Variants in DGKI observed in about 807,000 individuals in gnomAD.
DGKI encodes the protein DAG kinase iota.
DGKI carries 55 observed loss-of-function variants against 147.5 expected under a neutral mutation model. The ratio of observed to expected loss-of-function variants is 0.37; its 90% CI spans 0.30 to 0.47. The LOEUF is 0.47. Ranked by LOEUF, DGKI falls within the 20% of genes least tolerant of loss-of-function variation. The pLI is 1.00. For missense variants in DGKI, 1,007 were observed against 1,323.8 expected (o/e 0.76, Z 3.71); for synonymous variants, 469 against 477.1 (o/e 0.98, Z 0.22).
At chr7:137,786,484 G>T (rs1245272512) in intron 1 of DGKI, among the ~76,000 whole-genome samples, 2 of 151,994 alleles carry the variant, frequency 1.3e-5, no homozygotes, top group Non-Finnish European at 2.9e-5. Context: ...ACAGCAAATG[G>T]AAACACATCC....
intron 1 of DGKI, among the ~76,000 whole-genome samples, chr7:137,799,778 A>T (rs919860977): frequency 7.2e-5 from 11 of 152,182 alleles, no homozygotes; most frequent in Non-Finnish European, 1.6e-4. Flanking sequence ...TAATTACAAC[A>T]TCTCCCATAC....
intron 21 of DGKI, among the ~76,000 whole-genome samples, chr7:137,503,968 G>C (rs1013649789): frequency 3.9e-5 from 6 of 152,068 alleles, no homozygotes; most frequent in African/African-American, 1.4e-4. Flanking sequence ...AATGTGTTGT[G>C]CCAAAGTCTC....
At chr7:137,843,756 T>TACACACACACACACACACAC (rs71177923) in intron 1 of DGKI, among the ~76,000 whole-genome samples, 1 of 137,820 alleles carries the variant, frequency 7.3e-6, no homozygotes, top group Non-Finnish European at 1.5e-5. Flanking sequence ...GAGACCCCCC[T>TACACACACACACACACACAC]ACACACACAC....
chr7:137,740,592 A>G (rs978921431), intron 1 of DGKI, among the ~76,000 whole-genome samples: 3 of 152,242 alleles, frequency 2.0e-5, no homozygotes, highest in Admixed American at 1.3e-4. Flanking sequence ...TAGCCAGACC[A>G]GCCCAATACT....
intron 1 of DGKI, among the ~76,000 whole-genome samples, chr7:137,690,350 C>G (rs561700198): frequency 6.6e-6 from 1 of 152,308 alleles, no homozygotes; most frequent in South Asian, 2.1e-4. Flanking sequence ...CATACTTGAA[C>G]AACTTTAAGA....
chr7:137,452,489 C>G (rs1187720720), intron 27 of DGKI, among the ~76,000 whole-genome samples: 1 of 152,214 alleles, frequency 6.6e-6, no homozygotes, highest in African/African-American at 2.4e-5. Context: ...AAGTACACCA[C>G]TCCTTATTGT....
intron 9 of DGKI, 89 bp from the exon 10 acceptor site, chr7:137,609,153 T>C: frequency 1.0e-6 from 1 of 961,274 alleles, no homozygotes; most frequent in East Asian, 2.5e-5. Context: ...CACCCAATAA[T>C]ACATTTTGTT....
chr7:137,430,485 C>G (rs909106438), intron 28 of DGKI, among the ~76,000 whole-genome samples: 6 of 151,704 alleles, frequency 4.0e-5, no homozygotes, highest in African/African-American at 1.5e-4. Flanking sequence ...AGCACACCAG[C>G]ATGGCACATG....
rs1585074707 is a variant in DGKI, at chr7:137,397,527, G to C, written c.2921-114C>G. ...CTTGGAAAGCTAAATTTGGGGATAG[G>C]AATAATAAGACAGAAAGAAAAATAA... On this transcript the variant is annotated intron_variant, in intron 30 of 32. Coordinates refer to ENST00000614521, the MANE Select transcript of DGKI (RefSeq NM_001321708.2). The C allele has an allele frequency of 3.2e-6, 3 of 938,702 alleles. No individual in the cohort carries two copies. The African/African-American group carries it at 5.0e-5, about 16-fold the overall frequency. 58.1% of individuals were successfully genotyped at this position (938,702 alleles called of 1,614,324 possible).
At chr7:137,814,282 C>A (rs956300948) in intron 1 of DGKI, among the ~76,000 whole-genome samples, 1 of 152,164 alleles carries the variant, frequency 6.6e-6, no homozygotes, top group African/African-American at 2.4e-5. Flanking sequence ...GAATGGAACA[C>A]CGTCATGTGT....
chr7:137,825,219 A>G (rs1372619273), intron 1 of DGKI, among the ~76,000 whole-genome samples: 2 of 152,218 alleles, frequency 1.3e-5, no homozygotes, highest in African/African-American at 4.8e-5. Context: ...TATATTTAAC[A>G]ACGAAACCCA....
chr7:137,394,866 C>G (rs563749026), intron 32 of DGKI, among the ~76,000 whole-genome samples: 1 of 152,284 alleles, frequency 6.6e-6, no homozygotes, highest in East Asian at 1.9e-4. Context: ...AAATGAGAAC[C>G]ACCAACCTGC....
intron 1 of DGKI, among the ~76,000 whole-genome samples, chr7:137,712,988 T>C (rs1280331540): frequency 3.9e-5 from 6 of 152,096 alleles, no homozygotes; most frequent in African/African-American, 1.2e-4. Flanking sequence ...GTAACAAAGA[T>C]CTAGACAAAA....
At chr7:137,510,170 A>G (rs1293189229) in intron 21 of DGKI, among the ~76,000 whole-genome samples, 2 of 152,246 alleles carry the variant, frequency 1.3e-5, no homozygotes, top group Admixed American at 6.5e-5. Context: ...TCCAGACCAA[A>G]TAGTGCTATG....
intron 1 of DGKI, among the ~76,000 whole-genome samples, chr7:137,837,510 GA>G (rs1798419732): frequency 6.6e-6 from 1 of 152,182 alleles, no homozygotes; most frequent in African/African-American, 2.4e-5. Flanking sequence ...GTCACATGTT[GA>G]AATTATCACC....
rs1320666301 is a variant in DGKI at position 137,664,221 on chromosome 7, A to C, written c.607-7681T>G. On this transcript the variant is annotated intron_variant, in intron 3 of 32. Transcript: ENST00000614521. ...TCAAAAGCCTGTCTCTACTAAAAAT[A>C]CAAAAAATTAGCTGGGCATGGTGGC... Among the ~76,000 whole-genome samples the C allele has an allele frequency of 3.3e-5, 5 of 152,048 alleles. 1 individual carries two copies. The highest frequency in any genetic ancestry group is 2.6e-4 in the Admixed American group (4 of 15,264).
rs191788004 is a variant in DGKI at position 137,815,256 on chromosome 7, T to A, written c.401+31206A>T. ...TGTGCCACCCGAGAGGAGGGAGAAT[T>A]CAGAAACTCGTCTTCCATATGTGAA... is the stretch of plus-strand genomic sequence containing the variant. On this transcript the variant is annotated intron_variant, in intron 1 of 32. Transcript: ENST00000614521. Among the ~76,000 whole-genome samples the A allele has an allele frequency of 7.6e-3, 1,153 of 152,144 alleles. 12 individuals are homozygous for A. The highest frequency in any genetic ancestry group is 9.0e-3 in the Non-Finnish European group (610 of 67,982).
Position 137,722,337 on chromosome 7 carries a change from T to C in DGKI, c.402-32335A>G. The C allele has an allele frequency of 2.5e-6, 4 of 1,612,756 alleles. No individual in the cohort carries two copies. The South Asian group carries it at 4.4e-5, about 18-fold the overall frequency. On this transcript the variant is annotated intron_variant, in intron 1 of 32. Coordinates refer to ENST00000614521, the MANE Select transcript of DGKI (RefSeq NM_001321708.2). ...TTCGCAAAATGCCTAGATATTATCC[T>C]ACTGAAGATGTGCCTCGAAAGCTGT... is the stretch of plus-strand genomic sequence containing the variant.
chr7:137,620,053 A>ACACACC (rs774829700), intron 7 of DGKI, 113 bp from the exon 8 acceptor site: 1 of 725,922 alleles, frequency 1.4e-6, no homozygotes. Context: ...ACACACACAC[A>ACACACC]CTCATTACAT....
Sources: gnomAD v4.1 joint callset for allele counts (sites outside exome capture counted in the v4.1 genomes callset) on GRCh38, gnomAD v4.1.1 for gene constraint, MANE v1.5 for transcripts, NCBI Gene and HGNC (gene_info 2026-07-23, HGNC 2026-07-21) for gene names.